The following SLC30A7 variants were observed in gnomAD, a reference collection of about 807,000 sequenced individuals.
The protein encoded by SLC30A7 is solute carrier family 30 member 7.
Under a neutral mutation model 46.0 loss-of-function variants are expected in SLC30A7, and 35 were observed. The observed-to-expected ratio is 0.76, with a 90% confidence interval of 0.58 to 1.01. The LOEUF is 1.01. Ranked by LOEUF, SLC30A7 falls within the 50% of genes least tolerant of loss-of-function variation. SLC30A7 has a pLI of 0.00. For missense variants in SLC30A7, 464 were observed against 451.1 expected (o/e 1.03, Z -0.26); for synonymous variants, 147 against 157.8 (o/e 0.93, Z 0.51).
At chr1:100,954,702 G>A (rs1230773165) in intron 8 of SLC30A7, among the ~76,000 whole-genome samples, 1 of 152,026 alleles carries the variant, frequency 6.6e-6, no homozygotes, top group Non-Finnish European at 1.5e-5. Flanking sequence ...TAATTATAAA[G>A]TAAAGCACAA....
intron 8 of SLC30A7, among the ~76,000 whole-genome samples, chr1:100,935,890 A>G (rs1653932907): frequency 6.6e-6 from 1 of 152,138 alleles, no homozygotes; most frequent in African/African-American, 2.4e-5. Context: ...ACTTTACAAT[A>G]TGTCTGAACT....
chr1:100,945,116 T>G (rs563370510), intron 8 of SLC30A7, among the ~76,000 whole-genome samples: 20 of 152,270 alleles, frequency 1.3e-4, no homozygotes, highest in African/African-American at 4.1e-4. Flanking sequence ...CATATCCTTC[T>G]CCCACTTTTT....
At position 100,896,283 on chromosome 1, in the gene SLC30A7, A is replaced by C; in HGVS notation, c.21A>C (p.Lys7Asn). The C allele has an allele frequency of 6.2e-7, 1 of 1,614,206 alleles. No individual in the cohort carries two copies. Among genetic ancestry groups the C allele is most frequent in the Middle Eastern group, 1.6e-4 (1 of 6,062 alleles). Residue 7 changes from lysine to asparagine, a missense_variant, in exon 1 of 11, where the codon AAA becomes AAC. Coordinates refer to ENST00000357650, the MANE Select transcript of SLC30A7 (RefSeq NM_133496.5). MLPLSI[K>N]DDEYKPPKFN... is the part of the protein sequence containing the mutation. ...AGAAGATGTTGCCCCTGTCCATCAA[A>C]GACGATGAATACAAACCACCCAAGT... is the stretch of plus-strand genomic sequence containing the variant.
intron 10 of SLC30A7, among the ~76,000 whole-genome samples, chr1:100,967,732 A>G (rs1050198802): frequency 1.1e-4 from 16 of 152,220 alleles, no homozygotes; most frequent in Non-Finnish European, 2.4e-4. Flanking sequence ...AAAAGTGTCA[A>G]TGTCATGAAA....
Position 100,913,765 on chromosome 1 carries a change from G to A in SLC30A7, c.614G>A (p.Ser205Asn). 1.2e-6 allele frequency: 2 copies of A among 1,613,252 alleles called. No homozygotes were observed. The highest frequency in any genetic ancestry group is 8.5e-7 in the Non-Finnish European group (1 of 1,179,220). ...GAAGTGAAACATGGTGCTGCACATA[G>A]CCATGATCATGCTCATGGACATGGA... ...SHEVKHGAAH[S>N]HDHAHGHGHF... The change falls in exon 6 of 11, where the codon AGC (serine) becomes AAC (asparagine). Residue 205 changes from serine (S) to asparagine (N), a missense_variant. Physicochemically the swap from Ser to Asn is conservative, Grantham distance 46. Coordinates refer to ENST00000357650, the MANE Select transcript of SLC30A7 (RefSeq NM_133496.5).
At chr1:100,927,993 T>G (rs1052962323) in intron 8 of SLC30A7, among the ~76,000 whole-genome samples, 4 of 152,080 alleles carry the variant, frequency 2.6e-5, no homozygotes, top group African/African-American at 9.7e-5. Context: ...AAGGTGTGAT[T>G]ATAGGGGCAG....
rs896093243 is a variant in SLC30A7, at chr1:100,937,949, C to T, written c.842+16108C>T. Among the ~76,000 whole-genome samples the T allele has an allele frequency of 2.6e-5, 4 of 152,266 alleles. 1 individual carries two copies. The highest frequency in any genetic ancestry group is 2.6e-4 in the Admixed American group (4 of 15,284). Reference sequence around the variant, plus strand: ...GTAAGGGTCCAGCTTCCTTCTTTTGCATGTAAAAATCCAGTTTTCCCATCA... The same window carrying T: ...GTAAGGGTCCAGCTTCCTTCTTTTGTATGTAAAAATCCAGTTTTCCCATCA... On this transcript the variant is annotated intron_variant, in intron 8 of 10. Coordinates refer to ENST00000357650, the MANE Select transcript of SLC30A7 (RefSeq NM_133496.5).
chr1:100,964,888 T>A (rs79946593), intron 9 of SLC30A7, among the ~76,000 whole-genome samples: 1 of 152,178 alleles, frequency 6.6e-6, no homozygotes, highest in African/African-American at 2.4e-5. Flanking sequence ...TTTTCCCCAA[T>A]AAAAGCAGTT....
chr1:100,992,695 T>G, the SLC30A7 span: 1 of 1,613,990 alleles, frequency 6.2e-7, no homozygotes, highest in Admixed American at 1.7e-5. Context: ...GCTGGGCTGC[T>G]TGGTTTACAC....
At chr1:100,988,706 G>A in the SLC30A7 span, among the ~76,000 whole-genome samples, 5 of 151,864 alleles carry the variant, frequency 3.3e-5, no homozygotes, top group Non-Finnish European at 7.4e-5. Flanking sequence ...AAATAGCCAG[G>A]TGTGGTGCCG....
intron 2 of SLC30A7, 102 bp from the exon 3 acceptor site, chr1:100,906,750 G>T: frequency 1.3e-6 from 1 of 743,676 alleles, no homozygotes; most frequent in Non-Finnish European, 2.3e-6. Context: ...TGTTTTAGAT[G>T]GTTAATTCCT....
the SLC30A7 span, among the ~76,000 whole-genome samples, chr1:100,993,553 AATATAAATATATATATATAT>A: frequency 2.8e-5 from 1 of 35,934 alleles, no homozygotes; most frequent in Non-Finnish European, 5.9e-5. Flanking sequence ...CTCTGTCGAA[AATATAAATATATATATATAT>A]ATATATATAT....
Position 100,896,161 on chromosome 1 carries a change from G to A in SLC30A7, c.-102G>A. ...CGCAGCGGCGCGCGGCCCCGGACAA[G>A]CGCTGGGGATTCCCGTTTGAGGCGT... is the stretch of plus-strand genomic sequence containing the variant. On this transcript the variant is annotated 5_prime_UTR_variant, in exon 1 of 11. Coordinates refer to ENST00000357650, the MANE Select transcript of SLC30A7 (RefSeq NM_133496.5). 17 of 1,030,114 alleles carry A rather than the reference G, an allele frequency of 1.7e-5. No individual in the cohort carries two copies. The highest frequency in any genetic ancestry group is 2.6e-5 in the Non-Finnish European group (17 of 660,472). 63.8% of individuals were successfully genotyped at this position (1,030,114 alleles called of 1,614,324 possible). A position where few individuals can be genotyped will look rare whatever the true frequency, so the allele number is the denominator to read the frequency against.
At chr1:100,992,609 A>G in the SLC30A7 span, 5 of 1,518,530 alleles carry the variant, frequency 3.3e-6, no homozygotes, top group South Asian at 5.6e-5. Flanking sequence ...GAGGAATAAT[A>G]TGAGAGCCCT....
intron 8 of SLC30A7, 90 bp from the exon 9 acceptor site, chr1:100,961,738 T>G: frequency 4.7e-6 from 3 of 635,270 alleles, no homozygotes; most frequent in Non-Finnish European, 8.0e-6. Flanking sequence ...TCCTATTATA[T>G]TCTACCGTAG....
chr1:100,995,139 T>C, the SLC30A7 span: 3 of 1,575,508 alleles, frequency 1.9e-6, no homozygotes, highest in East Asian at 4.5e-5. Flanking sequence ...ACTGCTCCTT[T>C]ACTTTGATGT....
In SLC30A7 at chr1:100,906,836, G is replaced by A; in HGVS notation, c.183-16G>A. ...GGTTTTTATTATAATTTGTCAATGT[G>A]TTTGTTCTTTTCCAGCTTAGGCTTG... is the stretch of plus-strand genomic sequence containing the variant. On this transcript the variant is annotated splice_polypyrimidine_tract_variant and intron_variant, in intron 2 of 10. Transcript: ENST00000357650. 1.3e-6 allele frequency: 2 copies of A among 1,563,052 alleles called. No individual in the cohort carries two copies. Among genetic ancestry groups the A allele is most frequent in the African/African-American group, 1.4e-5 (1 of 73,922 alleles).
intron 3 of SLC30A7, among the ~76,000 whole-genome samples, chr1:100,908,590 TC>T (rs1217748775): frequency 6.6e-6 from 1 of 152,170 alleles, no homozygotes; most frequent in Non-Finnish European, 1.5e-5. Context: ...GAGCAGTAGA[TC>T]CTATATATCT....
rs148435237 is a variant in SLC30A7 at position 100,921,547 on chromosome 1, C to CTA, written c.707-157_707-156dup. 6.3e-3 allele frequency among the ~76,000 whole-genome samples: 958 copies of CTA among 152,256 alleles called. 16 individuals carry two copies. Among genetic ancestry groups the CTA allele is most frequent in the African/African-American group, 0.02 (832 of 41,552 alleles). On this transcript the variant is annotated intron_variant, in intron 7 of 10. Coordinates refer to ENST00000357650, the MANE Select transcript of SLC30A7 (RefSeq NM_133496.5). The stretch of plus-strand genomic sequence containing the variant: ...AAAGTGATTTTAATTCATAAATGTA[C>CTA]TATTACATGGTTACTAAATGGTGAA...
Sources: allele counts gnomAD v4.1 joint callset (sites outside exome capture counted in the v4.1 genomes callset), GRCh38; gene constraint gnomAD v4.1.1; transcripts MANE v1.5; gene names NCBI Gene and HGNC (gene_info 2026-07-23, HGNC 2026-07-21).